The following ARHGAP24 variants were observed in gnomAD, a reference collection of about 807,000 sequenced individuals.
ARHGAP24 encodes the protein rho GTPase-activating protein 24.
In ARHGAP24, 50 loss-of-function variants were observed where a neutral mutation model predicts 76.4. That is an observed-to-expected ratio of 0.65 (90% confidence interval 0.52 to 0.83). ARHGAP24 has a LOEUF of 0.83. Among genes scored for constraint, ARHGAP24 ranks in the 40% least tolerant of loss-of-function variants. ARHGAP24 has a pLI of 0.00. For missense variants in ARHGAP24, 930 were observed against 914.2 expected, an observed-to-expected ratio of 1.02 and a Z score of -0.22; for synonymous variants, 345 against 323.3, an observed-to-expected ratio of 1.07 and a Z score of -0.72.
intron 3 of ARHGAP24, among the ~76,000 whole-genome samples, chr4:85,740,470 G>T (rs1484513999): frequency 1.3e-5 from 2 of 152,050 alleles, no homozygotes; most frequent in Non-Finnish European, 2.9e-5. Context: ...TCATCTGCCT[G>T]CCTCGGCCTT....
chr4:85,894,992 A>AAAAAG (rs1734080252), intron 3 of ARHGAP24, among the ~76,000 whole-genome samples: 2 of 24,228 alleles, frequency 8.3e-5, no homozygotes, highest in Non-Finnish European at 1.7e-4. Context: ...AAAAAAACAA[A>AAAAAG]ACAAAAAGCA....
intron 2 of ARHGAP24, among the ~76,000 whole-genome samples, chr4:85,621,956 G>A (rs10003669): frequency 0.57 from 85,885 of 151,872 alleles, 25,192 homozygotes; most frequent in Non-Finnish European, 0.64. Context: ...GTGAGAAATA[G>A]GAGTCCAGTT....
chr4:85,592,389 T>C (rs963531426), intron 2 of ARHGAP24, among the ~76,000 whole-genome samples: 3 of 152,222 alleles, frequency 2.0e-5, no homozygotes, highest in African/African-American at 7.2e-5. Flanking sequence ...TTGAGCTCCT[T>C]ATATATTCTG....
chr4:85,599,781 T>C (rs1719973548), intron 2 of ARHGAP24, among the ~76,000 whole-genome samples: 1 of 152,178 alleles, frequency 6.6e-6, no homozygotes, highest in South Asian at 2.1e-4. Context: ...CTTAATAAAT[T>C]CTATAATTGC....
chr4:85,857,358 A>G (rs1484723402), intron 3 of ARHGAP24, among the ~76,000 whole-genome samples: 1 of 152,254 alleles, frequency 6.6e-6, no homozygotes, highest in Admixed American at 6.5e-5. Flanking sequence ...TAATGTAGTA[A>G]GTAAAATTCC....
intron 3 of ARHGAP24, among the ~76,000 whole-genome samples, chr4:85,807,203 G>T (rs1446203241): frequency 6.6e-6 from 1 of 152,060 alleles, no homozygotes; most frequent in Admixed American, 6.6e-5. Flanking sequence ...GTGGTTTGCT[G>T]CACCCATCAA....
intron 3 of ARHGAP24, among the ~76,000 whole-genome samples, chr4:85,856,460 A>G (rs1267302808): frequency 6.9e-6 from 1 of 144,408 alleles, no homozygotes; most frequent in African/African-American, 2.5e-5. Flanking sequence ...AATTTTTAAA[A>G]GGAAATTACT....
At chr4:85,562,334 G>T (rs1726630662) in intron 1 of ARHGAP24, among the ~76,000 whole-genome samples, 1 of 152,136 alleles carries the variant, frequency 6.6e-6, no homozygotes, top group South Asian at 2.1e-4. Context: ...AAAGACACTG[G>T]ATTTGCACTG....
At chr4:85,942,373 AC>A in intron 5 of ARHGAP24, 100 bp downstream of exon 5, 2 of 1,334,790 alleles carry the variant, frequency 1.5e-6, no homozygotes, top group Non-Finnish European at 2.1e-6. Context: ...TGATGTGGTA[AC>A]AGTTTACAAC....
intron 2 of ARHGAP24, among the ~76,000 whole-genome samples, chr4:85,607,492 T>C (rs75449823): frequency 0.024 from 3,666 of 151,966 alleles, 144 homozygotes; most frequent in African/African-American, 0.083. Context: ...ACTAAAAAAA[T>C]ATCATGCAGG....
chr4:85,479,935 TC>T (rs1722745466), intron 1 of ARHGAP24, among the ~76,000 whole-genome samples: 1 of 152,154 alleles, frequency 6.6e-6, no homozygotes, highest in African/African-American at 2.4e-5. Flanking sequence ...AAGCTCAAGT[TC>T]CTCCTTATTC....
At chr4:85,664,202 C>T (rs200093074) in intron 2 of ARHGAP24, among the ~76,000 whole-genome samples, 25,655 of 151,216 alleles carry the variant, frequency 0.17, 3,323 homozygotes, top group East Asian at 0.55. Context: ...TGTTATTGGT[C>T]TATTCAGAGA....
chr4:85,643,563 TTG>T (rs796725784), intron 2 of ARHGAP24, among the ~76,000 whole-genome samples: 1 of 119,780 alleles, frequency 8.3e-6, no homozygotes, highest in Non-Finnish European at 1.8e-5. Flanking sequence ...CGGCCTTTTT[TTG>T]TGTTTTGTTC....
chr4:85,696,555 C>T (rs1387658011), intron 2 of ARHGAP24, among the ~76,000 whole-genome samples: 3 of 152,108 alleles, frequency 2.0e-5, no homozygotes, highest in East Asian at 1.9e-4. Flanking sequence ...CTTTTGTTAG[C>T]GTATTTCCAT....
At chr4:85,874,999 T>TTTTTATATA (rs1732789086) in intron 3 of ARHGAP24, among the ~76,000 whole-genome samples, 2 of 109,650 alleles carry the variant, frequency 1.8e-5, no homozygotes, top group Admixed American at 1.2e-4. Flanking sequence ...TATAAATATA[T>TTTTTATATA]ATTTATATAT....
At chr4:85,981,847 A>G (rs1172617185) in intron 8 of ARHGAP24, among the ~76,000 whole-genome samples, 1 of 151,904 alleles carries the variant, frequency 6.6e-6, no homozygotes, top group Non-Finnish European at 1.5e-5. Context: ...ACTAGGTGCA[A>G]TCCCTCCCAC....
At chr4:85,686,540 G>A (rs1723428412) in intron 2 of ARHGAP24, 1 of 152,160 alleles carries the variant, frequency 6.6e-6, no homozygotes, top group Non-Finnish European at 1.5e-5. Flanking sequence ...AAATTCTGGA[G>A]AGGTATATAT....
rs1371057643 is a variant in ARHGAP24 at position 85,753,673 on chromosome 4, C to CT, written c.268+31705dup. 7.2e-5 allele frequency among the ~76,000 whole-genome samples: 11 copies of CT among 152,256 alleles called. No homozygotes were observed. In the South Asian group the frequency reaches 2.3e-3, roughly 32 times the overall value. On this transcript the variant is annotated intron_variant, in intron 3 of 9. Coordinates refer to ENST00000395184, the MANE Select transcript of ARHGAP24 (RefSeq NM_001025616.3). Reference sequence around the variant, plus strand: ...TTGGTTTTGAAAAGAGGAATGCTCCCTTTTCTGGCCTATTTACAGATCAGC... The same window carrying CT: ...TTGGTTTTGAAAAGAGGAATGCTCCCTTTTTCTGGCCTATTTACAGATCAGC...
chr4:85,823,092 C>T (rs1370879766), intron 3 of ARHGAP24, among the ~76,000 whole-genome samples: 4 of 151,790 alleles, frequency 2.6e-5, no homozygotes, highest in Non-Finnish European at 5.9e-5. Flanking sequence ...ATTTTCTGCT[C>T]TTTCTTTCTT....
Sources: gnomAD v4.1 joint callset for allele counts (sites outside exome capture counted in the v4.1 genomes callset) on GRCh38, gnomAD v4.1.1 for gene constraint, MANE v1.5 for transcripts, NCBI Gene and HGNC (gene_info 2026-07-23, HGNC 2026-07-21) for gene names.